The following NEMP2 variants were observed in gnomAD, a reference collection of about 807,000 sequenced individuals.
The protein encoded by NEMP2 is UPF0571 transmembrane protein.
NEMP2 carries 53 observed loss-of-function variants against 54.2 expected under a neutral mutation model. The ratio of observed to expected loss-of-function variants is 0.98; its 90% CI spans 0.78 to 1.23. NEMP2 has a LOEUF of 1.23. NEMP2 is among the 50% of genes most tolerant of loss of function. NEMP2 has a pLI of 0.00. For synonymous variants in NEMP2, 197 were observed against 190.3 expected (o/e 1.04, Z -0.29); for missense variants, 455 against 511.3 (o/e 0.89, Z 1.06).
At chr2:190,484,415 ATTTTCT>A in the NEMP2 span, among the ~76,000 whole-genome samples, 1 of 152,166 alleles carries the variant, frequency 6.6e-6, no homozygotes, top group Admixed American at 6.5e-5. Flanking sequence ...AAGTAGAAGC[ATTTTCT>A]TTTTCTAGTT....
the NEMP2 span, chr2:190,608,992 G>T: frequency 2.0e-5 from 3 of 152,140 alleles, no homozygotes; most frequent in South Asian, 2.1e-4. The surrounding 1 kb of genome is among the most constrained non-coding windows in gnomAD (Gnocchi z 4.9). Context: ...AGATAAGGGG[G>T]ACTACTGTAT....
chr2:190,640,881 G>C, the NEMP2 span: 4 of 139,950 alleles, frequency 2.9e-5, no homozygotes, highest in African/African-American at 8.1e-5. Context: ...AATCAGCATA[G>C]TAAAGTATTT....
the NEMP2 span, among the ~76,000 whole-genome samples, chr2:190,563,465 GT>G: frequency 6.6e-6 from 1 of 152,034 alleles, no homozygotes; most frequent in Non-Finnish European, 1.5e-5. This position sits in a 1 kb window ranked among gnomAD's most constrained non-coding sequence, Gnocchi z 4.3. Flanking sequence ...TGACCATTAT[GT>G]TTTTTTCCTT....
chr2:190,611,438 A>G, the NEMP2 span, among the ~76,000 whole-genome samples: 3 of 152,350 alleles, frequency 2.0e-5, no homozygotes, highest in East Asian at 5.8e-4. The surrounding 1 kb of genome is among the most constrained non-coding windows in gnomAD (Gnocchi z 5.4). Context: ...ATGTTTGACC[A>G]TAAGGTAAGA....
chr2:190,568,833 A>G, the NEMP2 span, among the ~76,000 whole-genome samples: 1 of 152,156 alleles, frequency 6.6e-6, no homozygotes, highest in Non-Finnish European at 1.5e-5. The surrounding 1 kb of genome is among the most constrained non-coding windows in gnomAD (Gnocchi z 4.7). Context: ...AAAACAAAAC[A>G]AAACAAAACA....
the NEMP2 span, among the ~76,000 whole-genome samples, chr2:190,449,890 G>A: frequency 8.5e-5 from 13 of 152,050 alleles, no homozygotes; most frequent in Non-Finnish European, 4.4e-5. Context: ...GGGAGGAATA[G>A]CTTTAGGAGA....
chr2:190,584,192 C>T, the NEMP2 span, among the ~76,000 whole-genome samples: 3 of 152,136 alleles, frequency 2.0e-5, no homozygotes, highest in South Asian at 6.2e-4. This position sits in a 1 kb window ranked among gnomAD's most constrained non-coding sequence, Gnocchi z 4.2. Flanking sequence ...AGAATGCTTT[C>T]CTCTGAGGTC....
chr2:190,514,314 C>T lies in NEMP2; in HGVS notation c.953+139G>A, dbSNP rs1690471858. On this transcript the variant is annotated intron_variant, in intron 7 of 8. Transcript: ENST00000409150. This position sits in a 1 kb window ranked among gnomAD's most constrained non-coding sequence, Gnocchi z 5.7. ...AGATGCTTGGAGCTCTCTACCCCTACACCCCCAATCTTGCTCAGAATGAAA... is the reference window on the plus strand; with the variant it reads ...AGATGCTTGGAGCTCTCTACCCCTATACCCCCAATCTTGCTCAGAATGAAA... The T allele has an allele frequency of 1.2e-6, 1 of 827,450 alleles. No homozygotes were observed. The highest frequency in any genetic ancestry group is 2.8e-5 in the East Asian group (1 of 36,220). The allele number at this position is 827,450 out of a possible 1,614,324, so 51.3% of individuals were successfully genotyped here. A position where few individuals can be genotyped will look rare whatever the true frequency, so the allele number is the denominator to read the frequency against.
At chr2:190,563,594 A>T in the NEMP2 span, among the ~76,000 whole-genome samples, 15 of 152,202 alleles carry the variant, frequency 9.9e-5, no homozygotes, top group Non-Finnish European at 1.9e-4. This position sits in a 1 kb window ranked among gnomAD's most constrained non-coding sequence, Gnocchi z 4.3. Flanking sequence ...AAACTCTACC[A>T]CAACGTATAT....
At chr2:190,489,334 C>G in the NEMP2 span, among the ~76,000 whole-genome samples, 1 of 152,178 alleles carries the variant, frequency 6.6e-6, no homozygotes, top group Non-Finnish European at 1.5e-5. This position sits in a 1 kb window ranked among gnomAD's most constrained non-coding sequence, Gnocchi z 6.6. Context: ...CTCCAGGAAT[C>G]TTAACTACTC....
At chr2:190,571,815 T>G in the NEMP2 span, among the ~76,000 whole-genome samples, 1 of 152,088 alleles carries the variant, frequency 6.6e-6, no homozygotes, top group Non-Finnish European at 1.5e-5. Flanking sequence ...CTTCTCCCAC[T>G]TCTTCCTTTT....
At position 190,510,551 on chromosome 2, in the gene NEMP2, T is replaced by C. The variant is rs1211787187; in HGVS notation, c.954-14A>G. The C allele has an allele frequency of 4.5e-6, 7 of 1,551,500 alleles. No homozygotes were observed. In the Admixed American group the frequency reaches 9.8e-5, roughly 22 times the overall value. On this transcript the variant is annotated splice_polypyrimidine_tract_variant and intron_variant, in intron 7 of 8. Coordinates refer to ENST00000409150, the MANE Select transcript of NEMP2 (RefSeq NM_001142645.2). The surrounding 1 kb of genome is among the most constrained non-coding windows in gnomAD (Gnocchi z 5.7). ...TGCTCCATTTTCCTAAAACATGGCATGTGGTTGCAGGATTACTTCCTAATT... is the reference window on the plus strand; with the variant it reads ...TGCTCCATTTTCCTAAAACATGGCACGTGGTTGCAGGATTACTTCCTAATT...
At chr2:190,620,215 T>C in the NEMP2 span, 5 of 152,206 alleles carry the variant, frequency 3.3e-5, no homozygotes, top group Admixed American at 1.3e-4. This position sits in a 1 kb window ranked among gnomAD's most constrained non-coding sequence, Gnocchi z 4.9. Context: ...CTATTTTATA[T>C]AACAGGCATG....
chr2:190,524,276 A>T (rs141477230), intron 2 of NEMP2, among the ~76,000 whole-genome samples: 1 of 152,168 alleles, frequency 6.6e-6, no homozygotes. Context: ...ATGATTATTG[A>T]TTCAGTAAAG....
In NEMP2 at chr2:190,521,387, G is replaced by C. The variant is rs545292358; in HGVS notation, c.214-2204C>G. Among the ~76,000 whole-genome samples the C allele has an allele frequency of 3.3e-5, 5 of 152,206 alleles. No homozygotes were observed. The highest frequency in any genetic ancestry group is 4.2e-4 in the South Asian group (2 of 4,814). On this transcript the variant is annotated intron_variant, in intron 2 of 8. Transcript: ENST00000409150. The surrounding 1 kb of genome is among the most constrained non-coding windows in gnomAD (Gnocchi z 6.2). ...TTTCTTCCACAGAGGAAATTTACAG[G>C]CTCCATAAAGGTAAGTCCCGACTTG... is the stretch of plus-strand genomic sequence containing the variant.
the NEMP2 span, chr2:190,617,189 T>C: frequency 1.3e-5 from 2 of 152,132 alleles, no homozygotes; most frequent in Non-Finnish European, 2.9e-5. The surrounding 1 kb of genome is among the most constrained non-coding windows in gnomAD (Gnocchi z 5.0). Context: ...ACTTACATCA[T>C]TGAATTTATG....
chr2:190,550,747 T>C, the NEMP2 span, among the ~76,000 whole-genome samples: 1 of 152,180 alleles, frequency 6.6e-6, no homozygotes, highest in African/African-American at 2.4e-5. The surrounding 1 kb of genome is among the most constrained non-coding windows in gnomAD (Gnocchi z 4.7). Context: ...CAGGTAACTG[T>C]CTTTAATGTA....
rs554751324 is a variant in NEMP2, at chr2:190,518,834, C to CATAACAAAGA, written c.446-36_446-27dup. ...CTGGAGTAAAAAAGACACACAAACA[C>CATAACAAAGA]ATAACAAAGATTTTTTATCAATGTA... On this transcript the variant is annotated intron_variant, in intron 3 of 8. Transcript: ENST00000409150. 186 of 1,530,372 alleles carry CATAACAAAGA rather than the reference C, an allele frequency of 1.2e-4. 2 individuals carry two copies. The South Asian group carries it at 2.2e-3, about 18-fold the overall frequency. 94.8% of individuals were successfully genotyped at this position (1,530,372 alleles called of 1,614,324 possible).
At chr2:190,516,029 T>G (rs1328548687) in intron 6 of NEMP2, among the ~76,000 whole-genome samples, 2 of 152,208 alleles carry the variant, frequency 1.3e-5, no homozygotes, top group Non-Finnish European at 2.9e-5. Context: ...TTTCCTCTTT[T>G]GATCATTACT....
Sources: allele counts gnomAD v4.1 joint callset (sites outside exome capture counted in the v4.1 genomes callset), GRCh38; gene constraint gnomAD v4.1.1; non-coding constraint Gnocchi (gnomAD v3.1); transcripts MANE v1.5; gene names NCBI Gene and HGNC (gene_info 2026-07-23, HGNC 2026-07-21).